Variants in PTPRD observed in about 807,000 individuals in gnomAD.
The protein encoded by PTPRD is receptor-type tyrosine-protein phosphatase delta.
In PTPRD, 34 loss-of-function variants were observed where a neutral mutation model predicts 214.5. That is an observed-to-expected ratio of 0.16 (90% CI 0.12 to 0.21). The LOEUF (loss-of-function observed/expected upper bound fraction) is 0.21. Among genes scored for constraint, PTPRD ranks in the 10% least tolerant of loss-of-function variants. The probability of loss-of-function intolerance (pLI) is 1.00; values close to 1 mark genes in which losing one functional copy is unlikely to be tolerated. For synonymous variants in PTPRD, 1,128 were observed against 845.7 expected (o/e 1.33, Z -5.79); for missense variants, 2,545 against 2,398.7 (o/e 1.06, Z -1.27).
At chr9:9,548,770 G>A (rs558012783) in intron 8 of PTPRD, among the ~76,000 whole-genome samples, 4 of 152,100 alleles carry the variant, frequency 2.6e-5, no homozygotes, top group African/African-American at 9.7e-5. Flanking sequence ...AGAGATAAAA[G>A]AGCATATTTT....
intron 5 of PTPRD, among the ~76,000 whole-genome samples, chr9:9,854,189 A>T (rs1353945385): frequency 6.6e-6 from 1 of 152,232 alleles, no homozygotes; most frequent in Admixed American, 6.5e-5. Flanking sequence ...TTAAGCTTTA[A>T]TTTACTATTT....
chr9:8,499,099 A>G (rs1182496021), intron 25 of PTPRD, among the ~76,000 whole-genome samples: 1 of 152,148 alleles, frequency 6.6e-6, no homozygotes, highest in African/African-American at 2.4e-5. Context: ...AATTTTTAAT[A>G]TCATTGTAAC....
At chr9:9,597,432 G>C (rs1224072149) in intron 7 of PTPRD, among the ~76,000 whole-genome samples, 1 of 151,970 alleles carries the variant, frequency 6.6e-6, no homozygotes, top group Admixed American at 6.6e-5. Flanking sequence ...CCACAGATAA[G>C]TCATTAAGCT....
At chr9:9,063,241 G>C (rs1040952669) in intron 10 of PTPRD, among the ~76,000 whole-genome samples, 2 of 152,112 alleles carry the variant, frequency 1.3e-5, no homozygotes, top group Non-Finnish European at 2.9e-5. Context: ...AAAAACAGTA[G>C]ATAAACTTGA....
At chr9:9,579,137 T>C (rs1426391137) in intron 7 of PTPRD, among the ~76,000 whole-genome samples, 1 of 152,126 alleles carries the variant, frequency 6.6e-6, no homozygotes, top group East Asian at 1.9e-4. Context: ...TGCACATATA[T>C]TCATTTATTC....
intron 5 of PTPRD, among the ~76,000 whole-genome samples, chr9:9,887,927 A>G (rs1600990350): frequency 6.6e-6 from 1 of 152,144 alleles, no homozygotes; most frequent in Non-Finnish European, 1.5e-5. Context: ...ATGGAGGGAG[A>G]TAATACACTC....
chr9:8,925,528 A>C (rs201132672), intron 11 of PTPRD, among the ~76,000 whole-genome samples: 22 of 116,004 alleles, frequency 1.9e-4, no homozygotes, highest in Non-Finnish European at 2.6e-4. Flanking sequence ...AACAAACAAA[A>C]AAAACCAACT....
At chr9:9,728,891 T>G (rs549436801) in intron 7 of PTPRD, among the ~76,000 whole-genome samples, 1 of 152,274 alleles carries the variant, frequency 6.6e-6, no homozygotes, top group South Asian at 2.1e-4. Flanking sequence ...AAGTGATTCA[T>G]AGTTGATTTT....
chr9:10,541,074 A>G (rs997220306), intron 2 of PTPRD, among the ~76,000 whole-genome samples: 2 of 152,210 alleles, frequency 1.3e-5, no homozygotes, highest in Admixed American at 6.5e-5. Context: ...CCAAGGATGA[A>G]AAAGAGACTA....
At chr9:9,957,305 C>T (rs529929155) in intron 4 of PTPRD, among the ~76,000 whole-genome samples, 7 of 152,090 alleles carry the variant, frequency 4.6e-5, no homozygotes, top group African/African-American at 1.7e-4. Flanking sequence ...TCCTGTGAAA[C>T]ATTAATGTAC....
At chr9:9,188,652 G>T (rs2099933171) in intron 9 of PTPRD, among the ~76,000 whole-genome samples, 1 of 151,996 alleles carries the variant, frequency 6.6e-6, no homozygotes, top group Non-Finnish European at 1.5e-5. Context: ...TGATGGTTGT[G>T]CCATGAGTGG....
chr9:10,523,624 G>GTATATATATATATAT, intron 2 of PTPRD, among the ~76,000 whole-genome samples: 1 of 20,368 alleles, frequency 4.9e-5, no homozygotes. Context: ...TATATATATA[G>GTATATATATATATAT]ACAGAAAGAA....
At chr9:8,934,456 T>TAAAA (rs1567098560) in intron 11 of PTPRD, among the ~76,000 whole-genome samples, 49 of 31,942 alleles carry the variant, frequency 1.5e-3, no homozygotes, top group Non-Finnish European at 2.2e-3. Context: ...TAAATTTATA[T>TAAAA]ATATATAAAT....
intron 9 of PTPRD, among the ~76,000 whole-genome samples, chr9:9,311,751 T>C (rs890383812): frequency 6.6e-6 from 1 of 152,298 alleles, no homozygotes; most frequent in Non-Finnish European, 1.5e-5. Flanking sequence ...TTGTTTTAAA[T>C]AGAATACAGA....
chr9:10,326,724 C>T (rs1365664105), intron 3 of PTPRD, among the ~76,000 whole-genome samples: 1 of 151,400 alleles, frequency 6.6e-6, no homozygotes, highest in African/African-American at 2.4e-5. Context: ...CCTCTTTCAT[C>T]CATTTTATAT....
intron 14 of PTPRD, among the ~76,000 whole-genome samples, chr9:8,581,364 G>A (rs2093065122): frequency 6.6e-6 from 1 of 152,170 alleles, no homozygotes; most frequent in African/African-American, 2.4e-5. Flanking sequence ...AATTCTCATT[G>A]TTTGAACACA....
intron 8 of PTPRD, among the ~76,000 whole-genome samples, chr9:9,503,079 T>A (rs779086011): frequency 8.3e-4 from 126 of 151,940 alleles, no homozygotes; most frequent in Non-Finnish European, 1.4e-3. Context: ...TTTGCCTTGA[T>A]TAAAATAGAC....
rs375265868 is a variant in PTPRD at position 8,633,292 on chromosome 9, C to T, written c.352+25G>A. 9.8e-5 allele frequency: 158 copies of T among 1,604,216 alleles called. No individual in the cohort carries two copies. The Admixed American group carries it at 1.6e-3, about 17-fold the overall frequency. ...TACAGAATTGTAACAATGACACAAA[C>T]GACAACCTTCACTTGAGCACTTACC... On this transcript the variant is annotated intron_variant, in intron 14 of 45. Transcript: ENST00000381196.
intron 9 of PTPRD, among the ~76,000 whole-genome samples, chr9:9,357,938 G>A (rs2138786046): frequency 6.6e-6 from 1 of 151,004 alleles, no homozygotes; most frequent in South Asian, 2.1e-4. Context: ...ATTCTGTAAT[G>A]CTTTAGAATT....
Sources: gnomAD v4.1 joint callset for allele counts (sites outside exome capture counted in the v4.1 genomes callset) on GRCh38, gnomAD v4.1.1 for gene constraint, MANE v1.5 for transcripts, NCBI Gene and HGNC (gene_info 2026-07-23, HGNC 2026-07-21) for gene names.